The following EXD3 variants were observed in gnomAD, a reference collection of about 807,000 sequenced individuals.
EXD3 encodes the protein exonuclease mut-7 homolog.
In EXD3, 92 loss-of-function variants were observed where a neutral mutation model predicts 98.0. That is an observed-to-expected ratio of 0.94 (90% confidence interval 0.79 to 1.12). EXD3 has a LOEUF of 1.12. EXD3 is among the 50% of genes most tolerant of loss of function. The probability of loss-of-function intolerance (pLI) is 0.00; values close to 1 mark genes in which losing one functional copy is unlikely to be tolerated. For missense variants in EXD3, 1,222 were observed against 1,191.6 expected (o/e 1.03, Z -0.38); for synonymous variants, 569 against 526.0 (o/e 1.08, Z -1.12).
chr9:137,420,129 C>T (rs1043759689), intron 1 of EXD3, among the ~76,000 whole-genome samples: 2 of 151,828 alleles, frequency 1.3e-5, no homozygotes, highest in Non-Finnish European at 2.9e-5. Context: ...CACTGCACTC[C>T]AGCCTGGGCG....
intron 21 of EXD3, 129 bp downstream of exon 21, chr9:137,307,479 T>C (rs2119031635): frequency 7.5e-7 from 1 of 1,338,986 alleles, no homozygotes; most frequent in Non-Finnish European, 1.0e-6. Flanking sequence ...TTGCAGGCCC[T>C]AGGGCCTACA....
At chr9:137,316,055 C>T (rs917468845) in intron 19 of EXD3, among the ~76,000 whole-genome samples, 2 of 144,514 alleles carry the variant, frequency 1.4e-5, no homozygotes, top group African/African-American at 2.5e-5. Context: ...TTCCCCTCCC[C>T]CCTCGCCCCC....
chr9:137,327,698 A>T (rs62586783), intron 17 of EXD3, among the ~76,000 whole-genome samples: 1 of 6,468 alleles, frequency 1.5e-4, no homozygotes, highest in Non-Finnish European at 4.6e-4. Context: ...ACTGATATAC[A>T]CTCATATGAT....
rs556150890 is a variant in EXD3, at chr9:137,347,633, G to A, written c.1998+438C>T. Reference sequence around the variant, plus strand: ...TAATTTTTCTATTTTTGGTACAGACGGGGTTTCACCATATTGGTCAGGCTG... The same window carrying A: ...TAATTTTTCTATTTTTGGTACAGACAGGGTTTCACCATATTGGTCAGGCTG... On this transcript the variant is annotated intron_variant, in intron 17 of 21. Coordinates refer to ENST00000340951, the MANE Select transcript of EXD3 (RefSeq NM_017820.5). This position sits in a 1 kb window ranked among gnomAD's most constrained non-coding sequence, Gnocchi z 4.2. 2.0e-5 allele frequency among the ~76,000 whole-genome samples: 3 copies of A among 151,860 alleles called. No individual in the cohort carries two copies. The highest frequency in any genetic ancestry group is 1.9e-4 in the East Asian group (1 of 5,148).
chr9:137,342,553 C>T (rs561915154), intron 17 of EXD3, among the ~76,000 whole-genome samples: 1 of 152,264 alleles, frequency 6.6e-6, no homozygotes, highest in African/African-American at 2.4e-5. Flanking sequence ...GGGGTGGTCA[C>T]ATTGATACCC....
intron 17 of EXD3, chr9:137,343,575 C>CTTTTTTTTG (rs1833761349): frequency 1.8e-5 from 1 of 56,586 alleles, no homozygotes; most frequent in Non-Finnish European, 2.9e-5. Context: ...ACTACTGTAT[C>CTTTTTTTTG]TTTTTTTTTT....
intron 20 of EXD3, among the ~76,000 whole-genome samples, chr9:137,308,465 C>T (rs78178808): frequency 0.054 from 8,156 of 151,954 alleles, 737 homozygotes; most frequent in African/African-American, 0.18. Flanking sequence ...CCACTACCCT[C>T]GGGTGGGGTG....
chr9:137,349,666 C>T lies in EXD3; in HGVS notation c.1495-135G>A, dbSNP rs1330386008. The T allele has an allele frequency of 5.4e-5, 52 of 966,714 alleles. No homozygotes were observed. Among genetic ancestry groups the T allele is most frequent in the Middle Eastern group, 7.0e-4 (2 of 2,844 alleles). The allele number at this position is 966,714 out of a possible 1,614,324, so 59.9% of individuals were successfully genotyped here. On this transcript the variant is annotated intron_variant, in intron 14 of 21. Coordinates refer to ENST00000340951, the MANE Select transcript of EXD3 (RefSeq NM_017820.5). The surrounding 1 kb of genome is among the most constrained non-coding windows in gnomAD (Gnocchi z 7.4). ...CCACCAGCGGCCCCCACAGCAGAGA[C>T]GGGGAGAAGGAGCGGACACATCCGA... is the stretch of plus-strand genomic sequence containing the variant.
intron 1 of EXD3, among the ~76,000 whole-genome samples, chr9:137,414,115 CTG>C (rs1838132136): frequency 6.6e-6 from 1 of 152,108 alleles, no homozygotes; most frequent in African/African-American, 2.4e-5. Context: ...CGGGGTTTCA[CTG>C]TGTGTTAGCC....
At chr9:137,356,811 C>G (rs2119263097) in intron 7 of EXD3, among the ~76,000 whole-genome samples, 1 of 152,302 alleles carries the variant, frequency 6.6e-6, no homozygotes. Flanking sequence ...CCATCCTGGT[C>G]CCTTGATACT....
At chr9:137,346,633 C>T (rs1313509707) in intron 17 of EXD3, among the ~76,000 whole-genome samples, 1 of 152,286 alleles carries the variant, frequency 6.6e-6, no homozygotes, top group African/African-American at 2.4e-5. Context: ...TATTTCTGAA[C>T]CTTCGACACT....
chr9:137,412,078 C>G (rs1407612382), intron 1 of EXD3, among the ~76,000 whole-genome samples: 2 of 152,218 alleles, frequency 1.3e-5, no homozygotes, highest in African/African-American at 4.8e-5. Context: ...CCTTACTGCC[C>G]TCTTCTGAGA....
rs1832305276 is a variant in EXD3, at chr9:137,324,830, C to G, written c.1999-687G>C. Among the ~76,000 whole-genome samples, 1 of 152,072 alleles carries G rather than the reference C, an allele frequency of 6.6e-6. No individual in the cohort carries two copies. The highest frequency in any genetic ancestry group is 2.4e-5 in the African/African-American group (1 of 41,380). On this transcript the variant is annotated intron_variant, in intron 17 of 21. Transcript: ENST00000340951. The surrounding 1 kb of genome is among the most constrained non-coding windows in gnomAD (Gnocchi z 4.1). ...GCCTCAGCCTCCCAAGTAGCTAGGACTACAGGCGCCAGCCACCGTGCCTGG... is the reference window on the plus strand; with the variant it reads ...GCCTCAGCCTCCCAAGTAGCTAGGAGTACAGGCGCCAGCCACCGTGCCTGG...
chr9:137,368,712 C>G (rs1049277060), intron 5 of EXD3, among the ~76,000 whole-genome samples: 1 of 152,254 alleles, frequency 6.6e-6, no homozygotes, highest in African/African-American at 2.4e-5. Flanking sequence ...AGCCTCGAGC[C>G]GGCTTCCAGC....
intron 1 of EXD3, among the ~76,000 whole-genome samples, chr9:137,417,731 C>T (rs893410259): frequency 1.1e-4 from 17 of 152,136 alleles, no homozygotes; most frequent in Non-Finnish European, 2.2e-4. Flanking sequence ...ATCACCGACA[C>T]CACGTGTGCG....
In EXD3 at chr9:137,332,674, T is replaced by A. The variant is rs1366734047; in HGVS notation, c.1999-8531A>T. 6.6e-5 allele frequency among the ~76,000 whole-genome samples: 10 copies of A among 150,688 alleles called. No individual in the cohort carries two copies. In the East Asian group the frequency reaches 1.8e-3, roughly 27 times the overall value. On this transcript the variant is annotated intron_variant, in intron 17 of 21. Coordinates refer to ENST00000340951, the MANE Select transcript of EXD3 (RefSeq NM_017820.5). ...CTGGCTAAAACAGTGAAACCCCGTC[T>A]CTACTAAAAAGCACAAAAAAACTAG...
intron 7 of EXD3, 187 bp downstream of exon 7, chr9:137,366,306 C>A: frequency 2.5e-6 from 2 of 812,804 alleles, no homozygotes; most frequent in Non-Finnish European, 4.1e-6. Context: ...TGTGCTCCTG[C>A]CAGCCCCAGC....
intron 10 of EXD3, chr9:137,354,090 G>T: frequency 8.0e-7 from 1 of 1,252,574 alleles, no homozygotes; most frequent in Non-Finnish European, 1.0e-6. Context: ...CGGGTGGCAC[G>T]GACGCTGCCG....
At chr9:137,369,525 G>C (rs552730914) in intron 5 of EXD3, among the ~76,000 whole-genome samples, 2 of 152,342 alleles carry the variant, frequency 1.3e-5, no homozygotes, top group South Asian at 4.1e-4. Flanking sequence ...ACCAGGCCCT[G>C]AGCAGGTGAC....
Sources: allele counts gnomAD v4.1 joint callset (sites outside exome capture counted in the v4.1 genomes callset), GRCh38; gene constraint gnomAD v4.1.1; non-coding constraint Gnocchi (gnomAD v3.1); transcripts MANE v1.5; gene names NCBI Gene and HGNC (gene_info 2026-07-23, HGNC 2026-07-21).